ALS2: variants seen among roughly 807,000 people sequenced by gnomAD.
ALS2 encodes the protein alsin Rho guanine nucleotide exchange factor ALS2.
ALS2 carries 117 observed loss-of-function variants against 203.4 expected under a neutral mutation model. That is an observed-to-expected ratio of 0.58 (90% CI 0.50 to 0.67). The LOEUF is 0.67. Among genes scored for constraint, ALS2 ranks in the 30% least tolerant of loss-of-function variants. The pLI is 0.00. For synonymous variants in ALS2, 718 were observed against 725.9 expected (o/e 0.99, Z 0.17); for missense variants, 1,715 against 1,989.4 (o/e 0.86, Z 2.62).
chr2:201,732,399 C>CA (rs11288102), intron 13 of ALS2, among the ~76,000 whole-genome samples: 15,144 of 85,128 alleles, frequency 0.18, 914 homozygotes, highest in African/African-American at 0.2. Flanking sequence ...ACTAAAAATA[C>CA]AAAAAAAAAA....
At position 201,704,550 on chromosome 2, in the gene ALS2, T is replaced by G; in HGVS notation, c.4742A>C (p.Glu1581Ala). Residue 1581 changes from glutamate to alanine, a missense_variant, in exon 32 of 34, where the codon GAG (glutamate) becomes GCG (alanine). Physicochemically the swap from Glu to Ala is moderately radical, Grantham distance 107 (BLOSUM62 -1). Coordinates refer to ENST00000264276, the MANE Select transcript of ALS2 (RefSeq NM_020919.4). ...TGACGCCAGGACACTCTGAGAGATC[T>G]CCTCAAAAGTCTGCTGGATGACCTT... ...KLKVIQQTFEEISQSVLASLH... is the reference protein window; with the variant it reads ...KLKVIQQTFEAISQSVLASLH... 1 of 1,614,124 alleles carries G rather than the reference T, an allele frequency of 6.2e-7. No individual in the cohort carries two copies. Among genetic ancestry groups the G allele is most frequent in the Non-Finnish European group, 8.5e-7 (1 of 1,179,984 alleles).
At chr2:201,754,475 T>C (rs750323567) in intron 6 of ALS2, 28 bp downstream of exon 6, 44 of 1,613,770 alleles carry the variant, frequency 2.7e-5, no homozygotes, top group Non-Finnish European at 3.4e-5. Flanking sequence ...TAAGCCAACT[T>C]CTATCGGTAA....
In ALS2 at chr2:201,748,060, A is replaced by G. The variant is rs1363303117; in HGVS notation, c.1816-1312T>C. 5.3e-5 allele frequency among the ~76,000 whole-genome samples: 8 copies of G among 152,286 alleles called. 1 individual carries two copies. In the South Asian group the frequency reaches 1.2e-3, roughly 24 times the overall value. On this transcript the variant is annotated intron_variant, in intron 8 of 33. Coordinates refer to ENST00000264276, the MANE Select transcript of ALS2 (RefSeq NM_020919.4). ...CTAGACTGATAGGCAACACACACACACACACAAATACACTCTCTAATCTGT... is the reference window on the plus strand; with the variant it reads ...CTAGACTGATAGGCAACACACACACGCACACAAATACACTCTCTAATCTGT...
Position 201,701,611 on chromosome 2 carries a change from C to CAT in ALS2, c.*238_*239dup. The CAT allele has an allele frequency of 2.2e-6, 1 of 461,082 alleles. No homozygotes were observed. The highest frequency in any genetic ancestry group is 3.9e-6 in the Non-Finnish European group (1 of 257,140). 28.6% of individuals were successfully genotyped at this position (461,082 alleles called of 1,614,324 possible). A position where few individuals can be genotyped will look rare whatever the true frequency, so the allele number is the denominator to read the frequency against. ...GATAAATGGTATTTTTGGAACTTAT[C>CAT]ATAGGCCAAGAACTGGTCTAATCTG... is the stretch of plus-strand genomic sequence containing the variant. On this transcript the variant is annotated 3_prime_UTR_variant, in exon 34 of 34. Transcript: ENST00000264276.
chr2:201,754,014 C>CTTT (rs554050978), intron 6 of ALS2, among the ~76,000 whole-genome samples: 1 of 143,242 alleles, frequency 7.0e-6, no homozygotes, highest in Non-Finnish European at 1.5e-5. Context: ...TTTTCTTTTC[C>CTTT]TTTTTTTTTT....
intron 1 of ALS2, among the ~76,000 whole-genome samples, chr2:201,775,244 C>T (rs933712936): frequency 6.6e-6 from 1 of 152,156 alleles, no homozygotes; most frequent in Admixed American, 6.5e-5. Flanking sequence ...TAGCCATTAA[C>T]ACTTCCTTTT....
At chr2:201,746,016 T>C (rs1692620266) in intron 9 of ALS2, among the ~76,000 whole-genome samples, 1 of 152,108 alleles carries the variant, frequency 6.6e-6, no homozygotes. Context: ...AACAGAACAC[T>C]GTTGGTTGTC....
chr2:201,705,545 G>C, intron 29 of ALS2, 84 bp from the exon 30 acceptor site: 1 of 1,045,810 alleles, frequency 9.6e-7, no homozygotes, highest in East Asian at 2.5e-5. Context: ...AGCTATATTG[G>C]CTTCCTTGTC....
At chr2:201,726,373 T>G in intron 19 of ALS2, 111 bp downstream of exon 19, 1 of 1,029,728 alleles carries the variant, frequency 9.7e-7, no homozygotes, top group Non-Finnish European at 1.5e-6. Context: ...TTCTAAAAAA[T>G]AACAACAAAA....
chr2:201,756,629 A>G (rs997679740), intron 5 of ALS2, among the ~76,000 whole-genome samples: 1 of 152,256 alleles, frequency 6.6e-6, no homozygotes, highest in African/African-American at 2.4e-5. Context: ...CTGCTTTTAC[A>G]TAACCACAGC....
intron 29 of ALS2, 143 bp downstream of exon 29, chr2:201,706,703 T>C (rs1689739830): frequency 1.3e-6 from 1 of 747,344 alleles, no homozygotes; most frequent in Non-Finnish European, 2.2e-6. Flanking sequence ...TTATTAACTA[T>C]CACTATTTTG....
At chr2:201,736,359 T>C (rs1490990014) in intron 12 of ALS2, among the ~76,000 whole-genome samples, 1 of 152,002 alleles carries the variant, frequency 6.6e-6, no homozygotes, top group Non-Finnish European at 1.5e-5. Flanking sequence ...AGCATGTGAG[T>C]CCAATAATTC....
At chr2:201,729,276 T>C (rs1289950179) in intron 13 of ALS2, 93 bp from the exon 14 acceptor site, 5 of 1,405,564 alleles carry the variant, frequency 3.6e-6, no homozygotes, top group Non-Finnish European at 4.9e-6. Flanking sequence ...ACATATAGTA[T>C]TAAATGTAGG....
Position 201,767,291 on chromosome 2 carries a change from C to G in ALS2, c.113G>C (p.Trp38Ser), listed in dbSNP as rs1381592353. ...TGCCTGCAAAACAGTCTTTCCTCCC[C>G]AGCCTGGCAATCTCTCTGGTGTTAT... ...FPITPERLPG[W>S]GGKTVLQAAL... is the part of the protein sequence containing the mutation. Residue 38 changes from tryptophan to serine, a missense_variant, in exon 3 of 34, where the codon TGG (tryptophan) becomes TCG (serine). Around this residue, in one of 3 missense-constraint regions of ALS2, gnomAD observed 476 missense variants for 539.3 expected, o/e 0.88. Coordinates refer to ENST00000264276, the MANE Select transcript of ALS2 (RefSeq NM_020919.4). The G allele has an allele frequency of 6.2e-7, 1 of 1,613,978 alleles. No homozygotes were observed. Among genetic ancestry groups the G allele is most frequent in the African/African-American group, 1.3e-5 (1 of 74,912 alleles).
intron 1 of ALS2, among the ~76,000 whole-genome samples, chr2:201,770,215 G>T (rs757954199): frequency 8.5e-5 from 13 of 152,252 alleles, no homozygotes; most frequent in Admixed American, 2.0e-4. Context: ...ACAATAGGTA[G>T]CGGAAGCCAG....
intron 26 of ALS2, 74 bp from the exon 27 acceptor site, chr2:201,710,112 C>G (rs1424879774): frequency 7.2e-6 from 11 of 1,525,612 alleles, no homozygotes; most frequent in Non-Finnish European, 1.0e-5. Flanking sequence ...CAAGAAACAA[C>G]TTCATAAATG....
At chr2:201,753,025 T>TA in intron 7 of ALS2, 121 bp downstream of exon 7, 2 of 857,290 alleles carry the variant, frequency 2.3e-6, no homozygotes, top group Non-Finnish European at 4.0e-6. Flanking sequence ...ATTGGAAAGC[T>TA]AAAATGAGAT....
At chr2:201,734,263 C>T (rs2106026103) in intron 12 of ALS2, among the ~76,000 whole-genome samples, 1 of 152,148 alleles carries the variant, frequency 6.6e-6, no homozygotes, top group South Asian at 2.1e-4. Flanking sequence ...TAGCTTGAGC[C>T]CGGAAGTTTG....
At chr2:201,744,632 G>A (rs1166647350) in intron 9 of ALS2, among the ~76,000 whole-genome samples, 1 of 152,054 alleles carries the variant, frequency 6.6e-6, no homozygotes, top group African/African-American at 2.4e-5. Context: ...TTTTTTTTGG[G>A]GGGGTCGTCG....
Sources: gnomAD v4.1 joint callset for allele counts (sites outside exome capture counted in the v4.1 genomes callset) on GRCh38, gnomAD v4.1.1 for gene constraint, gnomAD v4.1.1 regional missense constraint, MANE v1.5 for transcripts, NCBI Gene and HGNC (gene_info 2026-07-23, HGNC 2026-07-21) for gene names.